CPLANE1: variants seen among roughly 807,000 people sequenced by gnomAD.
CPLANE1 encodes the protein ciliogenesis and planar polarity effector complex subunit 1.
Under a neutral mutation model 362.5 loss-of-function variants are expected in CPLANE1, and 263 were observed. The ratio of observed to expected loss-of-function variants is 0.73; its 90% CI spans 0.66 to 0.80. The LOEUF (loss-of-function observed/expected upper bound fraction) is 0.80. Among genes scored for constraint, CPLANE1 ranks in the 30% least tolerant of loss-of-function variants. CPLANE1 has a pLI of 0.00. For missense variants in CPLANE1, 3,461 were observed against 3,793.4 expected (o/e 0.91, Z 2.30); for synonymous variants, 1,212 against 1,302.6 (o/e 0.93, Z 1.50).
chr5:37,158,162 T>C (rs1303782892), intron 39 of CPLANE1, 62 bp downstream of exon 39: 4 of 1,550,118 alleles, frequency 2.6e-6, no homozygotes, highest in Middle Eastern at 1.8e-4. Context: ...GAATAATGTC[T>C]ACATGACCAT....
chr5:37,216,936 G>A (rs996782960), intron 15 of CPLANE1, among the ~76,000 whole-genome samples: 3 of 152,026 alleles, frequency 2.0e-5, no homozygotes, highest in African/African-American at 7.3e-5. Context: ...CTCTCATATA[G>A]TAGGCCCTCA....
In CPLANE1 at chr5:37,227,079, A is replaced by G; in HGVS notation, c.1522-6T>C. 6.5e-7 allele frequency: 1 copy of G among 1,534,612 alleles called. No individual in the cohort carries two copies. ...GTTTCTTCTGCTTCAAAATCCTAAAACATGAGGGGAAAAAAATGATACTTA... is the reference window on the plus strand; with the variant it reads ...GTTTCTTCTGCTTCAAAATCCTAAAGCATGAGGGGAAAAAAATGATACTTA... On this transcript the variant is annotated splice_region_variant and splice_polypyrimidine_tract_variant and intron_variant, in intron 11 of 52. Transcript: ENST00000651892.
Position 37,201,747 on chromosome 5 carries a change from T to C in CPLANE1, c.3351A>G (p.Ala1117=). 6.2e-7 allele frequency: 1 copy of C among 1,614,158 alleles called. No homozygotes were observed. The highest frequency in any genetic ancestry group is 2.2e-5 in the East Asian group (1 of 44,874). ...GAATATCTGCATCGGCCATAACTGA[T>C]GCTTTCAGTACTTCTTGTACTGAAC... ...LFGSVQEVLK[A]SVMADADILS... is the part of the protein sequence containing the mutation. The change falls in exon 19 of 53, where the codon GCA becomes GCG. Residue 1117 remains alanine, a synonymous_variant. Transcript: ENST00000651892.
chr5:37,120,449 A>G, intron 49 of CPLANE1, 109 bp from the exon 50 acceptor site: 1 of 882,854 alleles, frequency 1.1e-6, no homozygotes, highest in African/African-American at 1.8e-5. Context: ...GCAAGCCTAT[A>G]GCCCCAGCTA....
intron 6 of CPLANE1, among the ~76,000 whole-genome samples, chr5:37,242,018 C>T (rs1247996315): frequency 6.6e-6 from 1 of 152,080 alleles, no homozygotes; most frequent in African/African-American, 2.4e-5. Context: ...AAAAACCACA[C>T]CACACCATTT....
chr5:37,132,367 CAG>C (rs1766136823), intron 46 of CPLANE1, among the ~76,000 whole-genome samples: 1 of 99,852 alleles, frequency 1.0e-5, no homozygotes, highest in Non-Finnish European at 1.8e-5. Flanking sequence ...TTTTTTGAGA[CAG>C]AGTCTTGCTC....
intron 43 of CPLANE1, chr5:37,142,717 T>G: frequency 3.4e-6 from 1 of 289,930 alleles, no homozygotes; most frequent in Non-Finnish European, 6.3e-6. Flanking sequence ...CTATGCCCTT[T>G]CATAAAAACA....
chr5:37,137,683 A>G (rs1768147389), intron 46 of CPLANE1, among the ~76,000 whole-genome samples: 3 of 152,232 alleles, frequency 2.0e-5, no homozygotes, highest in African/African-American at 4.8e-5. Flanking sequence ...CCTTCTTCAC[A>G]TAATGGCGGG....
In CPLANE1 at chr5:37,128,798, G is replaced by T. The variant is rs541932544; in HGVS notation, c.8793-3389C>A. The stretch of plus-strand genomic sequence containing the variant: ...TGCTTGAACCCAGGAGGCAGAGGTT[G>T]CAGTGAGCTGAGATTGTGCCACTGT... On this transcript the variant is annotated intron_variant, in intron 46 of 52. Coordinates refer to ENST00000651892, the MANE Select transcript of CPLANE1 (RefSeq NM_001384732.1). 1.3e-3 allele frequency among the ~76,000 whole-genome samples: 197 copies of T among 151,968 alleles called. 3 individuals are homozygous for T. The Middle Eastern group carries it at 0.017, about 13-fold the overall frequency.
At position 37,106,687 on chromosome 5, in the gene CPLANE1, T is replaced by C. The variant is rs1179148406; in HGVS notation, c.*915A>G. The C allele has an allele frequency of 5.6e-5, 19 of 341,710 alleles. No homozygotes were observed. Among genetic ancestry groups the C allele is most frequent in the Non-Finnish European group, 7.4e-5 (18 of 241,746 alleles). 21.2% of individuals were successfully genotyped at this position (341,710 alleles called of 1,614,324 possible). ...AAGGCAGCTGAATTACCATACCTGC[T>C]TCTGCATTCAACTTGCTGCAATACA... On this transcript the variant is annotated 3_prime_UTR_variant, in exon 53 of 53. Coordinates refer to ENST00000651892, the MANE Select transcript of CPLANE1 (RefSeq NM_001384732.1).
In CPLANE1 at chr5:37,196,042, A is replaced by G. The variant is rs184256918; in HGVS notation, c.3673-46T>C. On this transcript the variant is annotated intron_variant, in intron 20 of 52. Transcript: ENST00000651892. ...AACATGTTAATTATCAGCTGTATAA[A>G]TCACTTTTAAAAGAAACTATAAAAG... 763 of 1,500,106 alleles carry G rather than the reference A, an allele frequency of 5.1e-4. 5 individuals are homozygous for G. Among genetic ancestry groups the G allele is most frequent in the Middle Eastern group, 3.7e-3 (21 of 5,606 alleles). The allele number at this position is 1,500,106 out of a possible 1,614,324, so 92.9% of individuals were successfully genotyped here.
intron 38 of CPLANE1, among the ~76,000 whole-genome samples, chr5:37,162,114 C>T (rs182738268): frequency 2.8e-4 from 43 of 152,290 alleles, no homozygotes; most frequent in Admixed American, 2.4e-3. Flanking sequence ...GAACCCAGTC[C>T]AGTCCTTCCT....
chr5:37,200,073 C>G (rs1391669536), intron 19 of CPLANE1, among the ~76,000 whole-genome samples: 1 of 152,152 alleles, frequency 6.6e-6, no homozygotes, highest in Non-Finnish European at 1.5e-5. Flanking sequence ...AAGATGACAC[C>G]TCAGAAAACA....
intron 46 of CPLANE1, chr5:37,138,506 T>C: frequency 1.5e-6 from 1 of 679,284 alleles, no homozygotes; most frequent in Non-Finnish European, 2.7e-6. Context: ...GTACTTAGAG[T>C]GATTCTTGGG....
the CPLANE1 span, chr5:37,085,447 G>A: frequency 1.1e-6 from 1 of 889,132 alleles, no homozygotes. Flanking sequence ...ATCTTTGTGG[G>A]CACAAAAGGA....
chr5:37,230,520 C>T (rs1797511863), intron 9 of CPLANE1, among the ~76,000 whole-genome samples: 1 of 151,932 alleles, frequency 6.6e-6, no homozygotes, highest in African/African-American at 2.4e-5. Flanking sequence ...TAGATAAATC[C>T]ATATGTCAAG....
At chr5:37,146,452 C>A (rs1176347157) in intron 43 of CPLANE1, among the ~76,000 whole-genome samples, 1 of 152,184 alleles carries the variant, frequency 6.6e-6, no homozygotes, top group African/African-American at 2.4e-5. Context: ...GCTGGGATTA[C>A]AGGTGTGAGC....
chr5:37,248,329 C>A (rs1740534006), intron 1 of CPLANE1, among the ~76,000 whole-genome samples: 1 of 151,946 alleles, frequency 6.6e-6, no homozygotes, highest in Non-Finnish European at 1.5e-5. Flanking sequence ...CGGGTTTCAC[C>A]ATGTTGGCCA....
chr5:37,248,694 C>A (rs1371494428), intron 1 of CPLANE1, among the ~76,000 whole-genome samples: 1 of 152,164 alleles, frequency 6.6e-6, no homozygotes, highest in African/African-American at 2.4e-5. Context: ...AAAATAAATT[C>A]TCACAAAAGG....
Sources: gnomAD v4.1 joint callset for allele counts (sites outside exome capture counted in the v4.1 genomes callset) on GRCh38, gnomAD v4.1.1 for gene constraint, MANE v1.5 for transcripts, NCBI Gene and HGNC (gene_info 2026-07-23, HGNC 2026-07-21) for gene names.